The following PTPN12 variants were observed in gnomAD, a reference collection of about 807,000 sequenced individuals.
The protein encoded by PTPN12 is protein tyrosine phosphatase non-receptor type 12, also known as tyrosine-protein phosphatase non-receptor type 12.
In PTPN12, 29 loss-of-function variants were observed where a neutral mutation model predicts 97.6. The ratio of observed to expected loss-of-function variants is 0.30; its 90% CI spans 0.22 to 0.41. PTPN12 has a LOEUF of 0.41. Among genes scored for constraint, PTPN12 ranks in the 10% least tolerant of loss-of-function variants. The pLI is 1.00. For synonymous variants in PTPN12, 327 were observed against 300.4 expected, an observed-to-expected ratio of 1.09 and a Z score of -0.91; for missense variants, 819 against 926.0, an observed-to-expected ratio of 0.88 and a Z score of 1.50.
chr7:77,624,243 G>A (rs1789050066), intron 12 of PTPN12, among the ~76,000 whole-genome samples: 1 of 151,610 alleles, frequency 6.6e-6, no homozygotes, highest in African/African-American at 2.4e-5. Flanking sequence ...CTCCAGCCCA[G>A]GTGGCAGAGC....
intron 9 of PTPN12, among the ~76,000 whole-genome samples, chr7:77,608,753 T>C (rs1227224689): frequency 6.6e-6 from 1 of 152,200 alleles, no homozygotes; most frequent in African/African-American, 2.4e-5. Flanking sequence ...GGGTTAAATA[T>C]TTTTTTCCTC....
chr7:77,537,777 G>C, intron 1 of PTPN12, 132 bp downstream of exon 1: 2 of 1,016,032 alleles, frequency 2.0e-6, no homozygotes, highest in Non-Finnish European at 2.7e-6. Context: ...CCAGCCGGGT[G>C]AGCCGGGTGG....
intron 4 of PTPN12, among the ~76,000 whole-genome samples, chr7:77,584,636 G>T (rs1787628002): frequency 6.6e-6 from 1 of 152,120 alleles, no homozygotes; most frequent in South Asian, 2.1e-4. Context: ...CCAGCACTTT[G>T]GGAGGCCGAG....
chr7:77,600,920 AT>A, intron 8 of PTPN12, 114 bp downstream of exon 8: 1 of 952,708 alleles, frequency 1.0e-6, no homozygotes, highest in Non-Finnish European at 1.5e-6. Context: ...CCTTGATACA[AT>A]GTTTGGGACT....
Position 77,625,508 on chromosome 7 carries a change from TCTCTCTCTCTCTCTCACTCTCA to T in PTPN12, c.1026-1191_1026-1170del, listed in dbSNP as rs1213727688. Among the ~76,000 whole-genome samples, 35 of 108,992 alleles carry T rather than the reference TCTCTCTCTCTCTCTCACTCTCA, an allele frequency of 3.2e-4. 1 individual carries two copies. The highest frequency in any genetic ancestry group is 4.7e-3 in the Middle Eastern group (1 of 214). 71.5% of individuals were successfully genotyped at this position (108,992 alleles called of 152,430 possible). A position where few individuals can be genotyped will look rare whatever the true frequency, so the allele number is the denominator to read the frequency against. ...CTCTCTCTCTCTCTCTCTCTCTCTC[TCTCTCTCTCTCTCTCACTCTCA>T]CTCTCACTCGCGCTCTCTCTCTCGC... On this transcript the variant is annotated intron_variant, in intron 12 of 17. Transcript: ENST00000248594.
At chr7:77,583,357 G>A (rs925466937) in intron 3 of PTPN12, among the ~76,000 whole-genome samples, 198 bp from the exon 4 acceptor site, 1 of 152,152 alleles carries the variant, frequency 6.6e-6, no homozygotes, top group African/African-American at 2.4e-5. Context: ...TAAACACAAA[G>A]TAATAGCAGT....
At chr7:77,597,526 A>G (rs1457020234) in intron 6 of PTPN12, among the ~76,000 whole-genome samples, 2 of 152,174 alleles carry the variant, frequency 1.3e-5, no homozygotes, top group Non-Finnish European at 2.9e-5. Flanking sequence ...TTCATGGCTT[A>G]CTAGCTCTTT....
intron 12 of PTPN12, among the ~76,000 whole-genome samples, chr7:77,624,808 A>G (rs945068560): frequency 2.0e-5 from 3 of 152,078 alleles, no homozygotes; most frequent in Non-Finnish European, 4.4e-5. Flanking sequence ...TTGGATAAAA[A>G]AAGGTTGATC....
intron 1 of PTPN12, among the ~76,000 whole-genome samples, chr7:77,545,245 G>T (rs1447580908): frequency 6.6e-6 from 1 of 152,110 alleles, no homozygotes; most frequent in Non-Finnish European, 1.5e-5. Flanking sequence ...AGTGATATCT[G>T]TTGTTCTCTA....
chr7:77,632,400 A>T lies in PTPN12; in HGVS notation c.2049A>T (p.Glu683Asp), dbSNP rs757797283. 1 of 1,610,894 alleles carries T rather than the reference A, an allele frequency of 6.2e-7. No individual in the cohort carries two copies. The highest frequency in any genetic ancestry group is 8.5e-7 in the Non-Finnish European group (1 of 1,177,334). ...SPPPLPERTP[E>D]SFVLASEHNT... ...CTCCCCTACCTGAAAGAACTCCTGA[A>T]TCGTTTGTGTTAGCAAGTGAACATA... Residue 683 changes from glutamate (E) to aspartate (D), a missense_variant, in exon 14 of 18, where the codon GAA becomes GAT. Glu to Asp is a conservative substitution (Grantham distance 45). Around this residue, in one of 5 missense-constraint regions of PTPN12, gnomAD observed 607 missense variants for 577.3 expected, o/e 1.05. Coordinates refer to ENST00000248594, the MANE Select transcript of PTPN12 (RefSeq NM_002835.4).
chr7:77,616,555 C>G (rs960825563), intron 11 of PTPN12, among the ~76,000 whole-genome samples: 2 of 152,200 alleles, frequency 1.3e-5, no homozygotes, highest in Non-Finnish European at 2.9e-5. Flanking sequence ...ATTACACTCA[C>G]TTGGCAACAA....
At position 77,538,535 on chromosome 7, in the gene PTPN12, C is replaced by G. The variant is rs1018967039; in HGVS notation, c.99+890C>G. Among the ~76,000 whole-genome samples, 6 of 151,968 alleles carry G rather than the reference C, an allele frequency of 3.9e-5. No individual in the cohort carries two copies. The East Asian group carries it at 1.2e-3, about 30-fold the overall frequency. On this transcript the variant is annotated intron_variant, in intron 1 of 17. Coordinates refer to ENST00000248594, the MANE Select transcript of PTPN12 (RefSeq NM_002835.4). ...AACTGGGAGATAACCTTCCCAGCGCCCCCCCGCCTCCGCCACCCCCTACTT... is the reference window on the plus strand; with the variant it reads ...AACTGGGAGATAACCTTCCCAGCGCGCCCCCGCCTCCGCCACCCCCTACTT...
At chr7:77,613,530 T>C (rs1788645318) in intron 11 of PTPN12, among the ~76,000 whole-genome samples, 1 of 152,084 alleles carries the variant, frequency 6.6e-6, no homozygotes, top group South Asian at 2.1e-4. Flanking sequence ...TCAAGATTAA[T>C]TTCAAAGCTA....
intron 2 of PTPN12, among the ~76,000 whole-genome samples, chr7:77,575,618 C>G (rs1443389836): frequency 1.3e-5 from 2 of 152,116 alleles, no homozygotes; most frequent in Non-Finnish European, 2.9e-5. Flanking sequence ...AATTTACATA[C>G]CCATGAAATT....
chr7:77,615,577 T>A (rs967309289), intron 11 of PTPN12, among the ~76,000 whole-genome samples: 3 of 152,148 alleles, frequency 2.0e-5, no homozygotes, highest in Admixed American at 2.0e-4. Flanking sequence ...CGAGACCCCA[T>A]CTATACAAAA....
Position 77,600,654 on chromosome 7 carries a change from T to G in PTPN12, c.553-10T>G, listed in dbSNP as rs1332351496. 1.6e-5 allele frequency: 25 copies of G among 1,575,360 alleles called. No individual in the cohort carries two copies. Among genetic ancestry groups the G allele is most frequent in the Non-Finnish European group, 1.9e-5 (22 of 1,165,034 alleles). On this transcript the variant is annotated splice_polypyrimidine_tract_variant and intron_variant, in intron 7 of 17. Transcript: ENST00000248594. ...TTTTCATAATTGTTGACTTTCTGTT[T>G]TTCTTGAAGGAATCTCGTAGGCTGT...
intron 1 of PTPN12, among the ~76,000 whole-genome samples, chr7:77,562,401 A>T (rs1444718879): frequency 6.6e-6 from 1 of 152,060 alleles, no homozygotes; most frequent in Non-Finnish European, 1.5e-5. Context: ...TTAGTGATGG[A>T]TTGCTTTGTA....
Position 77,604,773 on chromosome 7 carries a change from A to G in PTPN12, c.696-2462A>G, listed in dbSNP as rs994555534. ...CTTTTTAACATTTATCATTGGATAA[A>G]TATCCAATATGTTTATATCATATAT... On this transcript the variant is annotated intron_variant, in intron 8 of 17. Transcript: ENST00000248594. 15 of 238,996 alleles carry G rather than the reference A, an allele frequency of 6.3e-5. No individual in the cohort carries two copies. In the East Asian group the frequency reaches 1.6e-3, roughly 25 times the overall value. 14.8% of individuals were successfully genotyped at this position (238,996 alleles called of 1,614,324 possible). A position where few individuals can be genotyped will look rare whatever the true frequency, so the allele number is the denominator to read the frequency against.
chr7:77,567,953 A>G (rs569532257), intron 1 of PTPN12, among the ~76,000 whole-genome samples: 3 of 152,304 alleles, frequency 2.0e-5, no homozygotes, highest in African/African-American at 7.2e-5. Flanking sequence ...CAGAATTTTA[A>G]TTTATGTAGC....
Sources: allele counts gnomAD v4.1 joint callset (sites outside exome capture counted in the v4.1 genomes callset), GRCh38; gene constraint gnomAD v4.1.1; regional missense constraint gnomAD v4.1.1; transcripts MANE v1.5; gene names NCBI Gene and HGNC (gene_info 2026-07-23, HGNC 2026-07-21).